Variants in ALDH1A2 observed in about 807,000 individuals in gnomAD.
ALDH1A2 encodes the protein retinal dehydrogenase 2.
ALDH1A2 carries 27 observed loss-of-function variants against 60.3 expected under a neutral mutation model. The ratio of observed to expected loss-of-function variants is 0.45; its 90% CI spans 0.33 to 0.62. The LOEUF is 0.62. Among genes scored for constraint, ALDH1A2 ranks in the 20% least tolerant of loss-of-function variants. The pLI is 0.02. For synonymous variants in ALDH1A2, 289 were observed against 232.4 expected (o/e 1.24, Z -2.21); for missense variants, 581 against 643.8 (o/e 0.90, Z 1.06).
chr15:57,964,430 T>G (rs780976416), intron 8 of ALDH1A2: 5 of 206,196 alleles, frequency 2.4e-5, no homozygotes, highest in Non-Finnish European at 4.9e-5. Flanking sequence ...GCCACTACAT[T>G]TAATCATTGC....
chr15:57,961,122 T>A lies in ALDH1A2; in HGVS notation c.1409+15A>T. On this transcript the variant is annotated intron_variant, in intron 11 of 12. Transcript: ENST00000249750. ...CCACCAGTGGAATTTGTTACAAGAC[T>A]GACTCTGATCTTACCAAACAGTCCC... 6.2e-7 allele frequency: 1 copy of A among 1,613,804 alleles called. No homozygotes were observed. The highest frequency in any genetic ancestry group is 8.5e-7 in the Non-Finnish European group (1 of 1,179,878).
intron 1 of ALDH1A2, among the ~76,000 whole-genome samples, chr15:58,026,350 T>C (rs1275379050): frequency 2.6e-5 from 4 of 152,204 alleles, no homozygotes; most frequent in Admixed American, 2.6e-4. Context: ...TCTCAATAGA[T>C]GCAGAAAAAG....
At chr15:58,057,487 T>G (rs1433450840) in intron 1 of ALDH1A2, among the ~76,000 whole-genome samples, 1 of 152,156 alleles carries the variant, frequency 6.6e-6, no homozygotes, top group Non-Finnish European at 1.5e-5. Context: ...TTTAAAAAAT[T>G]AGAAGCAAAT....
intron 4 of ALDH1A2, among the ~76,000 whole-genome samples, chr15:58,005,122 A>C (rs946468052): frequency 1.3e-5 from 2 of 151,800 alleles, no homozygotes; most frequent in African/African-American, 4.8e-5. Context: ...TTTTAGATCC[A>C]CTAACTCATG....
chr15:57,958,044 G>C (rs1348717239), intron 12 of ALDH1A2, among the ~76,000 whole-genome samples: 1 of 152,136 alleles, frequency 6.6e-6, no homozygotes, highest in East Asian at 1.9e-4. Flanking sequence ...GTCCTGGGCA[G>C]TGATGTATAC....
At chr15:57,966,983 T>C (rs543841425) in intron 7 of ALDH1A2, among the ~76,000 whole-genome samples, 1 of 152,352 alleles carries the variant, frequency 6.6e-6, no homozygotes, top group South Asian at 2.1e-4. Context: ...CTTGTTGAGA[T>C]GAAAAAATGT....
intron 12 of ALDH1A2, among the ~76,000 whole-genome samples, chr15:57,960,189 A>G (rs895462752): frequency 6.6e-6 from 1 of 152,188 alleles, no homozygotes; most frequent in African/African-American, 2.4e-5. Flanking sequence ...AACATATTAA[A>G]TGCCTTAAGG....
At chr15:58,001,807 T>C (rs980900761) in intron 4 of ALDH1A2, among the ~76,000 whole-genome samples, 7 of 151,812 alleles carry the variant, frequency 4.6e-5, no homozygotes, top group African/African-American at 1.7e-4. Context: ...TTAGCAAATA[T>C]GAGGGATTAC....
At chr15:58,014,339 C>T (rs375292238) in intron 1 of ALDH1A2, 58 bp from the exon 2 acceptor site, 160 of 1,301,974 alleles carry the variant, frequency 1.2e-4, no homozygotes, top group Admixed American at 9.9e-4. Flanking sequence ...AGCCAGTCAA[C>T]GGCCAAGTGT....
At chr15:57,961,600 C>A (rs1186200386) in intron 10 of ALDH1A2, among the ~76,000 whole-genome samples, 1 of 152,150 alleles carries the variant, frequency 6.6e-6, no homozygotes, top group Non-Finnish European at 1.5e-5. Flanking sequence ...AACACTGCTC[C>A]AGAACGGAAT....
chr15:58,020,673 G>GT (rs561549143), intron 1 of ALDH1A2, among the ~76,000 whole-genome samples: 87 of 152,170 alleles, frequency 5.7e-4, no homozygotes, highest in African/African-American at 2.0e-3. Flanking sequence ...CCACTAACCT[G>GT]TATTTTTAAT....
At chr15:58,036,042 C>A (rs1896369678) in intron 1 of ALDH1A2, among the ~76,000 whole-genome samples, 1 of 151,578 alleles carries the variant, frequency 6.6e-6, no homozygotes, top group South Asian at 2.1e-4. Context: ...GCAAGGATAG[C>A]TCTTACTACT....
chr15:57,969,048 T>C (rs1893982023), intron 7 of ALDH1A2, among the ~76,000 whole-genome samples: 1 of 152,210 alleles, frequency 6.6e-6, no homozygotes, highest in African/African-American at 2.4e-5. Flanking sequence ...CCCTTCATCT[T>C]TGGAAGAAAG....
At chr15:58,050,179 A>G (rs552775564) in intron 1 of ALDH1A2, among the ~76,000 whole-genome samples, 8 of 143,878 alleles carry the variant, frequency 5.6e-5, no homozygotes, top group African/African-American at 2.1e-4. Context: ...CTATTTATTC[A>G]ATAGTATTGC....
intron 9 of ALDH1A2, 91 bp downstream of exon 9, chr15:57,963,794 G>T: frequency 7.3e-7 from 1 of 1,366,376 alleles, no homozygotes; most frequent in South Asian, 1.2e-5. Context: ...CGAAAAGGAA[G>T]ATGTCGCTTT....
chr15:58,035,968 A>G (rs1285589599), intron 1 of ALDH1A2, among the ~76,000 whole-genome samples: 1 of 151,624 alleles, frequency 6.6e-6, no homozygotes, highest in Admixed American at 6.6e-5. Context: ...ATTTTCCTTT[A>G]GCTCCCTATC....
chr15:57,997,483 A>G (rs950030928), intron 4 of ALDH1A2, among the ~76,000 whole-genome samples: 1 of 151,942 alleles, frequency 6.6e-6, no homozygotes, highest in Non-Finnish European at 1.5e-5. Context: ...CTGAGGAAAA[A>G]AATTGGAAGA....
intron 1 of ALDH1A2, among the ~76,000 whole-genome samples, chr15:58,017,127 T>C (rs1348859330): frequency 6.6e-6 from 1 of 152,076 alleles, no homozygotes; most frequent in Non-Finnish European, 1.5e-5. Context: ...AGAATCAGAG[T>C]AAACAATATA....
chr15:58,050,917 C>CA (rs1896759348), intron 1 of ALDH1A2, among the ~76,000 whole-genome samples: 1 of 152,270 alleles, frequency 6.6e-6, no homozygotes, highest in East Asian at 1.9e-4. Flanking sequence ...AGGGCTCGAA[C>CA]ACCTCAATGC....
Sources: gnomAD v4.1 joint callset for allele counts (sites outside exome capture counted in the v4.1 genomes callset) on GRCh38, gnomAD v4.1.1 for gene constraint, MANE v1.5 for transcripts, NCBI Gene and HGNC (gene_info 2026-07-23, HGNC 2026-07-21) for gene names.